PRKAA2: variants seen among roughly 807,000 people sequenced by gnomAD.
PRKAA2 encodes the protein protein kinase AMP-activated catalytic subunit alpha 2.
Under a neutral mutation model 56.3 loss-of-function variants are expected in PRKAA2, and 40 were observed. The observed-to-expected ratio is 0.71, with a 90% CI of 0.55 to 0.92. The LOEUF is 0.92. Among genes scored for constraint, PRKAA2 ranks in the 40% least tolerant of loss-of-function variants. The pLI, the probability that PRKAA2 is intolerant of heterozygous loss-of-function variation, is 0.00. For missense variants in PRKAA2, 542 were observed against 686.9 expected, an observed-to-expected ratio of 0.79 and a Z score of 2.36; for synonymous variants, 214 against 234.2, an observed-to-expected ratio of 0.91 and a Z score of 0.79.
chr1:56,661,398 A>G (rs559064474), intron 1 of PRKAA2, among the ~76,000 whole-genome samples: 1 of 152,208 alleles, frequency 6.6e-6, no homozygotes, highest in East Asian at 1.9e-4. Context: ...ACCACTATCC[A>G]TGGATAGTTT....
intron 3 of PRKAA2, among the ~76,000 whole-genome samples, chr1:56,691,821 A>T (rs779108249): frequency 6.6e-6 from 1 of 152,136 alleles, no homozygotes; most frequent in African/African-American, 2.4e-5. Context: ...TCCCCAAAAC[A>T]TTGTGCACAT....
intron 2 of PRKAA2, among the ~76,000 whole-genome samples, chr1:56,689,897 GACACACACACACACACACACACAC>G (rs3034077): frequency 6.8e-6 from 1 of 147,046 alleles, no homozygotes; most frequent in Non-Finnish European, 1.5e-5. Context: ...CAGACACACA[GACACACACACACACACACACACAC>G]ACACACACAC....
At position 56,675,663 on chromosome 1, in the gene PRKAA2, A is replaced by T. The variant is rs549645849; in HGVS notation, c.236+1141A>T. ...TCATTTTGACTTAATTATTTTTAAT[A>T]TACCATTACTTAAGAAACAAAGCCC... On this transcript the variant is annotated intron_variant, in intron 2 of 8. Transcript: ENST00000371244. 2.0e-5 allele frequency among the ~76,000 whole-genome samples: 3 copies of T among 152,258 alleles called. No homozygotes were observed. In the South Asian group the frequency reaches 6.2e-4, roughly 32 times the overall value.
rs191139126 is a variant in PRKAA2 at position 56,679,418 on chromosome 1, A to G, written c.236+4896A>G. On this transcript the variant is annotated intron_variant, in intron 2 of 8. Coordinates refer to ENST00000371244, the MANE Select transcript of PRKAA2 (RefSeq NM_006252.4). Reference sequence around the variant, plus strand: ...AGCTAAACTTTTCTCTCTCTTCCAAATTTACTTCTCTGTTTTTGGAGGGTG... The same window carrying G: ...AGCTAAACTTTTCTCTCTCTTCCAAGTTTACTTCTCTGTTTTTGGAGGGTG... 1.6e-3 allele frequency among the ~76,000 whole-genome samples: 241 copies of G among 152,192 alleles called. 3 individuals are homozygous for G. Among genetic ancestry groups the G allele is most frequent in the Non-Finnish European group, 7.4e-4 (50 of 68,012 alleles).
chr1:56,682,586 T>G (rs116526701), intron 2 of PRKAA2, among the ~76,000 whole-genome samples: 163 of 152,246 alleles, frequency 1.1e-3, no homozygotes, highest in African/African-American at 3.8e-3. Context: ...ACAAAGGGAT[T>G]TGAAGGCCTT....
chr1:56,692,235 T>C lies in PRKAA2; in HGVS notation c.331-123T>C, dbSNP rs1644233062. On this transcript the variant is annotated intron_variant, in intron 3 of 8. Coordinates refer to ENST00000371244, the MANE Select transcript of PRKAA2 (RefSeq NM_006252.4). ...TTAGTAGAGATGGAGTTTCACCTTA[T>C]TGGTCAGGCTGGTCTCAAACTCCTG... is the stretch of plus-strand genomic sequence containing the variant. The C allele has an allele frequency of 2.7e-6, 3 of 1,108,870 alleles. No homozygotes were observed. In the Middle Eastern group the frequency reaches 6.9e-4, roughly 255 times the overall value. 68.7% of individuals were successfully genotyped at this position (1,108,870 alleles called of 1,614,324 possible). A position where few individuals can be genotyped will look rare whatever the true frequency, so the allele number is the denominator to read the frequency against.
intron 3 of PRKAA2, 94 bp from the exon 4 acceptor site, chr1:56,692,264 T>G: frequency 6.8e-7 from 1 of 1,472,146 alleles, no homozygotes; most frequent in South Asian, 1.2e-5. Flanking sequence ...ACTCCTGACC[T>G]CAGGTAATCC....
chr1:56,700,744 C>G (rs541693674), intron 6 of PRKAA2, among the ~76,000 whole-genome samples: 57 of 152,184 alleles, frequency 3.7e-4, no homozygotes, highest in African/African-American at 1.3e-3. Flanking sequence ...CAGAGAACTG[C>G]TAGACATGTA....
chr1:56,645,408 C>T lies in PRKAA2; in HGVS notation c.21C>T (p.His7=). 2 of 1,508,388 alleles carry T rather than the reference C, an allele frequency of 1.3e-6. No individual in the cohort carries two copies. The highest frequency in any genetic ancestry group is 1.8e-6 in the Non-Finnish European group (2 of 1,122,876). 93.4% of individuals were successfully genotyped at this position (1,508,388 alleles called of 1,614,324 possible). ...CGAAGATGGCTGAGAAGCAGAAGCA[C>T]GACGGGCGGGTGAAGATCGGACACT... MAEKQK[H]DGRVKIGHYV... is the part of the protein sequence containing the mutation. Residue 7 remains histidine (H), a synonymous_variant, in exon 1 of 9, where the codon CAC becomes CAT. Transcript: ENST00000371244.
chr1:56,688,141 A>G (rs1557556658), intron 2 of PRKAA2, among the ~76,000 whole-genome samples: 1 of 152,172 alleles, frequency 6.6e-6, no homozygotes. Flanking sequence ...TGCCTTTTCC[A>G]CTAAATCCTT....
At chr1:56,700,808 G>T (rs1644288788) in intron 6 of PRKAA2, among the ~76,000 whole-genome samples, 1 of 151,998 alleles carries the variant, frequency 6.6e-6, no homozygotes, top group Non-Finnish European at 1.5e-5. Context: ...AAACTATTCT[G>T]CTCCTCTATT....
chr1:56,657,858 G>A (rs1279942837), intron 1 of PRKAA2, among the ~76,000 whole-genome samples: 2 of 152,024 alleles, frequency 1.3e-5, no homozygotes, highest in East Asian at 3.9e-4. Flanking sequence ...TTTTTCAGGA[G>A]GAAAGAAAGT....
At position 56,711,005 on chromosome 1, in the gene PRKAA2, T is replaced by G. The variant is rs1644365630; in HGVS notation, c.*3292T>G. 1 of 152,108 alleles carries G rather than the reference T, an allele frequency of 6.6e-6. No individual in the cohort carries two copies. Among genetic ancestry groups the G allele is most frequent in the African/African-American group, 2.4e-5 (1 of 41,454 alleles). The allele number at this position is 152,108 out of a possible 1,614,324, so 9.4% of individuals were successfully genotyped here. A position where few individuals can be genotyped will look rare whatever the true frequency, so the allele number is the denominator to read the frequency against. ...GCAGGGAGGGAAGTAGGCAAACCATTTACAAGTTGGGTTTTTGTTTTGATT... is the reference window on the plus strand; with the variant it reads ...GCAGGGAGGGAAGTAGGCAAACCATGTACAAGTTGGGTTTTTGTTTTGATT... On this transcript the variant is annotated 3_prime_UTR_variant, in exon 9 of 9. Coordinates refer to ENST00000371244, the MANE Select transcript of PRKAA2 (RefSeq NM_006252.4).
At chr1:56,694,791 A>T (rs903222017) in intron 5 of PRKAA2, among the ~76,000 whole-genome samples, 1 of 152,066 alleles carries the variant, frequency 6.6e-6, no homozygotes, top group Non-Finnish European at 1.5e-5. Context: ...TCAACACATG[A>T]ATTTTGAGAG....
At chr1:56,698,416 C>T (rs892543169) in intron 6 of PRKAA2, among the ~76,000 whole-genome samples, 1 of 152,172 alleles carries the variant, frequency 6.6e-6, no homozygotes, top group African/African-American at 2.4e-5. Context: ...ATTTATGTAT[C>T]TGTTTGCCCC....
chr1:56,702,166 C>T (rs1268175664), intron 6 of PRKAA2, among the ~76,000 whole-genome samples: 2 of 151,954 alleles, frequency 1.3e-5, no homozygotes, highest in African/African-American at 2.4e-5. Context: ...TCACCGCAAC[C>T]TCCGCCTCCC....
At chr1:56,679,916 A>G (rs949901259) in intron 2 of PRKAA2, among the ~76,000 whole-genome samples, 1 of 152,110 alleles carries the variant, frequency 6.6e-6, no homozygotes, top group African/African-American at 2.4e-5. Context: ...CCACTTAATG[A>G]GTAGTTGGTA....
At chr1:56,659,536 A>G (rs115923214) in intron 1 of PRKAA2, among the ~76,000 whole-genome samples, 5,284 of 151,826 alleles carry the variant, frequency 0.035, 233 homozygotes, top group African/African-American at 0.11. Context: ...TAAATATTTT[A>G]TTTATTTATT....
rs139348950 is a variant in PRKAA2, at chr1:56,704,349, G to C, written c.1167G>C (p.Thr389=). 2 of 1,613,964 alleles carry C rather than the reference G, an allele frequency of 1.2e-6. No individual in the cohort carries two copies. Among genetic ancestry groups the C allele is most frequent in the African/African-American group, 2.7e-5 (2 of 74,882 alleles). The part of the protein sequence containing the change: ...KARCPLDALN[T]TKPKSLAVKK... ...GATGTCCATTGGATGCACTGAATAC[G>C]ACTAAGCCCAAATCTTTAGCTGTGA... The change falls in exon 7 of 9, where the codon ACG becomes ACC. Residue 389 remains threonine (T), a synonymous_variant. Coordinates refer to ENST00000371244, the MANE Select transcript of PRKAA2 (RefSeq NM_006252.4).
Sources: allele counts gnomAD v4.1 joint callset (sites outside exome capture counted in the v4.1 genomes callset), GRCh38; gene constraint gnomAD v4.1.1; transcripts MANE v1.5; gene names NCBI Gene and HGNC (gene_info 2026-07-23, HGNC 2026-07-21).